Variants in ALG3 observed in about 807,000 individuals in gnomAD.
ALG3 encodes ALG3 alpha-1,3- mannosyltransferase, also known as dol-P-Man:Man(5)GlcNAc(2)-PP-Dol alpha-1,3-mannosyltransferase.
In ALG3, 39 loss-of-function variants were observed where a neutral mutation model predicts 50.5. That is an observed-to-expected ratio of 0.77 (90% CI 0.60 to 1.01). The LOEUF (loss-of-function observed/expected upper bound fraction) is 1.01. Among genes scored for constraint, ALG3 ranks in the 50% least tolerant of loss-of-function variants. The probability of loss-of-function intolerance (pLI) is 0.00; values close to 1 mark genes in which losing one functional copy is unlikely to be tolerated. For missense variants in ALG3, 520 were observed against 554.8 expected (o/e 0.94, Z 0.63); for synonymous variants, 252 against 237.2 (o/e 1.06, Z -0.58).
chr3:184,245,294 A>C lies in ALG3; in HGVS notation c.509T>G (p.Leu170Arg). Reference sequence around the variant, plus strand: ...GGCCACTGGGTCATTGAAGAGCCGCAGCACAAAGATGGAGTGGACACGGTA... The same window carrying C: ...GGCCACTGGGTCATTGAAGAGCCGCCGCACAAAGATGGAGTGGACACGGTA... The part of the protein sequence containing the change: ...ASYRVHSIFV[L>R]RLFNDPVAMV... Residue 170 changes from leucine (L) to arginine (R), a missense_variant, in exon 4 of 9, where the codon CTG becomes CGG. By Grantham distance (102) the Leu-to-Arg change is moderately radical. Around this residue, in one of 3 missense-constraint regions of ALG3, gnomAD observed 290 missense variants for 265.9 expected, o/e 1.09. Coordinates refer to ENST00000397676, the MANE Select transcript of ALG3 (RefSeq NM_005787.6). 6.2e-7 allele frequency: 1 copy of C among 1,613,688 alleles called. No homozygotes were observed. The highest frequency in any genetic ancestry group is 8.5e-7 in the Non-Finnish European group (1 of 1,179,766).
At position 184,245,824 on chromosome 3, in the gene ALG3, C is replaced by A; in HGVS notation, c.197-12G>T. The A allele has an allele frequency of 1.2e-6, 2 of 1,605,824 alleles. No homozygotes were observed. Among genetic ancestry groups the A allele is most frequent in the Non-Finnish European group, 1.7e-6 (2 of 1,173,496 alleles). Reference sequence around the variant, plus strand: ...GTCAATCTCTGTGTCTGGAAGAAGACAAGATGATCTGGTTACTTCTGAGTC... The same window carrying A: ...GTCAATCTCTGTGTCTGGAAGAAGAAAAGATGATCTGGTTACTTCTGAGTC... On this transcript the variant is annotated splice_polypyrimidine_tract_variant and intron_variant, in intron 1 of 8. Transcript: ENST00000397676.
Position 184,245,536 on chromosome 3 carries a change from T to A in ALG3, c.376A>T (p.Asn126Tyr), listed in dbSNP as rs140738312. 9 of 1,613,926 alleles carry A rather than the reference T, an allele frequency of 5.6e-6. No individual in the cohort carries two copies. The African/African-American group carries it at 1.2e-4, about 22-fold the overall frequency. Residue 126 changes from asparagine (N) to tyrosine (Y), a missense_variant, in exon 3 of 9, where the codon AAC becomes TAC. Around this residue, in one of 3 missense-constraint regions of ALG3, gnomAD observed 290 missense variants for 265.9 expected, o/e 1.09. Transcript: ENST00000397676. ...GCCAGGTAGAGCACAGCAAAGATGT[T>A]CTGGGCCATGCGGATGTCAGTGCCT... ...SRGTDIRMAQNIFAVLYLATL... is the reference protein window; with the variant it reads ...SRGTDIRMAQYIFAVLYLATL...
intron 7 of ALG3, 184 bp from the exon 8 acceptor site, chr3:184,243,141 A>G: frequency 3.7e-6 from 3 of 808,902 alleles, no homozygotes; most frequent in Non-Finnish European, 5.8e-6. Flanking sequence ...GGAGAGAGTA[A>G]TACCTAGGGC....
chr3:184,243,483 G>T, intron 7 of ALG3, 71 bp downstream of exon 7: 1 of 1,481,668 alleles, frequency 6.7e-7, no homozygotes, highest in East Asian at 2.3e-5. Context: ...CAGCTGTCAA[G>T]GGATACCTGA....
chr3:184,245,516 G>A lies in ALG3; in HGVS notation c.396C>T (p.Tyr132=), dbSNP rs760134525. 33 of 1,613,932 alleles carry A rather than the reference G, an allele frequency of 2.0e-5. No individual in the cohort carries two copies. Among genetic ancestry groups the A allele is most frequent in the Non-Finnish European group, 2.8e-5 (33 of 1,179,918 alleles). The change falls in exon 3 of 9, where the codon TAC becomes TAT. Residue 132 remains tyrosine, a synonymous_variant. Coordinates refer to ENST00000397676, the MANE Select transcript of ALG3 (RefSeq NM_005787.6). ...RMAQNIFAVL[Y]LATLLLVFLI... Reference sequence around the variant, plus strand: ...AGAAGACAAGCAGCAAGGTAGCCAGGTAGAGCACAGCAAAGATGTTCTGGG... The same window carrying A: ...AGAAGACAAGCAGCAAGGTAGCCAGATAGAGCACAGCAAAGATGTTCTGGG...
Position 184,248,948 on chromosome 3 carries a change from G to A in ALG3, c.-8C>T. ...CCGCAGCCCAGCCGCCATCTTAACG[G>A]TGCGCCGCTTGTGTGGGCCCACCAC... On this transcript the variant is annotated 5_prime_UTR_variant, in exon 1 of 9. Coordinates refer to ENST00000397676, the MANE Select transcript of ALG3 (RefSeq NM_005787.6). The A allele has an allele frequency of 6.4e-7, 1 of 1,571,916 alleles. No homozygotes were observed. The highest frequency in any genetic ancestry group is 1.3e-5 in the African/African-American group (1 of 74,286).
rs758555636 is a variant in ALG3, at chr3:184,242,974, G to A, written c.1010-17C>T. 6 of 1,611,956 alleles carry A rather than the reference G, an allele frequency of 3.7e-6. No homozygotes were observed. The South Asian group carries it at 5.5e-5, about 15-fold the overall frequency. On this transcript the variant is annotated splice_polypyrimidine_tract_variant and intron_variant, in intron 7 of 8. Coordinates refer to ENST00000397676, the MANE Select transcript of ALG3 (RefSeq NM_005787.6). ...AAACGATCTGTATGCGGTGGTCAAG[G>A]CCAAGGGCAGGAGTGTGTGTGGGGG...
chr3:184,247,541 AC>A (rs972320765), intron 1 of ALG3, among the ~76,000 whole-genome samples: 1 of 150,896 alleles, frequency 6.6e-6, no homozygotes, highest in Admixed American at 6.6e-5. Context: ...CAGGAGATCC[AC>A]CCGCCTAGGC....
At chr3:184,246,759 C>T (rs543902465) in intron 1 of ALG3, among the ~76,000 whole-genome samples, 161 of 152,086 alleles carry the variant, frequency 1.1e-3, no homozygotes, top group African/African-American at 3.6e-3. Context: ...TCACTGCAAC[C>T]TCCGCCTCCC....
At position 184,243,586 on chromosome 3, in the gene ALG3, C is replaced by T. The variant is rs1718953951; in HGVS notation, c.977G>A (p.Arg326Lys). The T allele has an allele frequency of 1.2e-6, 2 of 1,613,678 alleles. No individual in the cohort carries two copies. The highest frequency in any genetic ancestry group is 2.7e-5 in the African/African-American group (2 of 74,870). ...TGTAAGGGGCTGGGGTGGAACCTTCCTTTTGGAGGGATCCCTCAGCAGCGA... is the reference window on the plus strand; with the variant it reads ...TGTAAGGGGCTGGGGTGGAACCTTCTTTTTGGAGGGATCCCTCAGCAGCGA... ...ILSLLRDPSK[R>K]KVPPQPLTPN... is the part of the protein sequence containing the mutation. The change falls in exon 7 of 9, where the codon AGG becomes AAG. Residue 326 changes from arginine (R) to lysine (K), a missense_variant. This residue lies in a region of ALG3 where 224 missense variants were observed against 272.8 expected (regional missense o/e 0.82). Coordinates refer to ENST00000397676, the MANE Select transcript of ALG3 (RefSeq NM_005787.6).
intron 5 of ALG3, 102 bp from the exon 6 acceptor site, chr3:184,244,098 G>T (rs35284322): frequency 1.0e-5 from 12 of 1,185,576 alleles, no homozygotes; most frequent in Non-Finnish European, 1.4e-5. Context: ...GTAGGCCTCA[G>T]AGGTTCCCCA....
Position 184,244,008 on chromosome 3 carries a change from T to A in ALG3, c.727-12A>T. On this transcript the variant is annotated splice_polypyrimidine_tract_variant and intron_variant, in intron 5 of 8. Coordinates refer to ENST00000397676, the MANE Select transcript of ALG3 (RefSeq NM_005787.6). ...AGCCCCAGCACCACCTGAGGATTGG[T>A]GTGATGTCAGCAGAGCTGCCAAGGC... The A allele has an allele frequency of 6.2e-7, 1 of 1,610,302 alleles. No homozygotes were observed. The highest frequency in any genetic ancestry group is 8.5e-7 in the Non-Finnish European group (1 of 1,178,096).
Position 184,242,612 on chromosome 3 carries a change from C to T in ALG3, c.1219G>A (p.Ala407Thr). 1.3e-6 allele frequency: 2 copies of T among 1,584,814 alleles called. No homozygotes were observed. The highest frequency in any genetic ancestry group is 3.4e-5 in the Admixed American group (2 of 58,388). ...NTYPSTSCSS[A>T]ALHICHAVIL... ...ACGGCATGGCATATGTGCAGGGCAG[C>T]AGAGCTGCAGGATGTGGAAGGGTAT... The change falls in exon 9 of 9, where the codon GCT becomes ACT. Residue 407 changes from alanine to threonine, a missense_variant. This residue lies in a region of ALG3 where 224 missense variants were observed against 272.8 expected (regional missense o/e 0.82). Coordinates refer to ENST00000397676, the MANE Select transcript of ALG3 (RefSeq NM_005787.6).
In ALG3 at chr3:184,246,505, C is replaced by T. The variant is rs138425218; in HGVS notation, c.197-693G>A. ...TAGGATGGTGGAGTTGGGATTGAAGCTTGCAGGGTCCCAAGTTCTTAATTA... is the reference window on the plus strand; with the variant it reads ...TAGGATGGTGGAGTTGGGATTGAAGTTTGCAGGGTCCCAAGTTCTTAATTA... On this transcript the variant is annotated intron_variant, in intron 1 of 8. Transcript: ENST00000397676. 3.3e-4 allele frequency among the ~76,000 whole-genome samples: 51 copies of T among 152,268 alleles called. 1 individual carries two copies. The South Asian group carries it at 5.0e-3, about 15-fold the overall frequency.
Position 184,243,511 on chromosome 3 carries a change from C to T in ALG3, c.1009+43G>A, listed in dbSNP as rs1410451614. The T allele has an allele frequency of 6.3e-6, 10 of 1,597,316 alleles. No homozygotes were observed. In the Middle Eastern group the frequency reaches 5.0e-4, roughly 79 times the overall value. ...ATACCTGACCAGGACTCTGTCAGCA[C>T]CTAGAGAGGGCAAGACTTACCTTCC... is the stretch of plus-strand genomic sequence containing the variant. On this transcript the variant is annotated intron_variant, in intron 7 of 8. Coordinates refer to ENST00000397676, the MANE Select transcript of ALG3 (RefSeq NM_005787.6).
rs557516593 is a variant in ALG3, at chr3:184,244,691, C to A, written c.636G>T (p.Leu212=). ...GAAACAGTAACCCAGGGGCGAAGAGCAGCACATTCATCTTCACAGAGACTG... is the reference window on the plus strand; with the variant it reads ...GAAACAGTAACCCAGGGGCGAAGAGAAGCACATTCATCTTCACAGAGACTG... The part of the protein sequence containing the change: ...SLAVSVKMNV[L]LFAPGLLFLL... The change falls in exon 5 of 9, where the codon CTG becomes CTT. Residue 212 remains leucine (L), a synonymous_variant. Transcript: ENST00000397676. 6.2e-7 allele frequency: 1 copy of A among 1,610,242 alleles called. No individual in the cohort carries two copies. The highest frequency in any genetic ancestry group is 1.3e-5 in the African/African-American group (1 of 74,918).
chr3:184,243,945 G>A lies in ALG3; in HGVS notation c.778C>T (p.Arg260Cys), dbSNP rs749229743. ...AACTGGCGGCCAAGGTCAAAGGAGC[G>A]GGACAGGTAGCCGCTGGGGTTCTCC... ...LLENPSGYLS[R>C]SFDLGRQFLF... Residue 260 changes from arginine (R) to cysteine (C), a missense_variant, in exon 6 of 9, where the codon CGC becomes TGC. Physicochemically the swap from Arg to Cys is radical, Grantham distance 180. Around this residue, in one of 3 missense-constraint regions of ALG3, gnomAD observed 224 missense variants for 272.8 expected, o/e 0.82. Transcript: ENST00000397676. 6.3e-5 allele frequency: 101 copies of A among 1,613,680 alleles called. No individual in the cohort carries two copies. The highest frequency in any genetic ancestry group is 1.7e-4 in the Middle Eastern group (1 of 5,982).
At chr3:184,247,031 A>G (rs1394262397) in intron 1 of ALG3, among the ~76,000 whole-genome samples, 1 of 152,076 alleles carries the variant, frequency 6.6e-6, no homozygotes, top group Non-Finnish European at 1.5e-5. Flanking sequence ...CAGCCTCCCA[A>G]GTAGCTGGGA....
rs775418982 is a variant in ALG3, at chr3:184,243,543, T to C, written c.1009+11A>G. On this transcript the variant is annotated intron_variant, in intron 7 of 8. Coordinates refer to ENST00000397676, the MANE Select transcript of ALG3 (RefSeq NM_005787.6). ...AGGGCAAGACTTACCTTCCCACAATTTAAAGGATATGGTTGGGTGTAAGGG... is the reference window on the plus strand; with the variant it reads ...AGGGCAAGACTTACCTTCCCACAATCTAAAGGATATGGTTGGGTGTAAGGG... 75 of 1,613,458 alleles carry C rather than the reference T, an allele frequency of 4.6e-5. 2 individuals carry two copies. The South Asian group carries it at 8.1e-4, about 17-fold the overall frequency.
Sources: allele counts gnomAD v4.1 joint callset (sites outside exome capture counted in the v4.1 genomes callset), GRCh38; gene constraint gnomAD v4.1.1; regional missense constraint gnomAD v4.1.1; transcripts MANE v1.5; gene names NCBI Gene and HGNC (gene_info 2026-07-23, HGNC 2026-07-21).